Variants in FYCO1 observed in about 807,000 individuals in gnomAD.
FYCO1 encodes FYVE and coiled-coil domain-containing protein 1.
FYCO1 carries 122 observed loss-of-function variants against 165.1 expected under a neutral mutation model. The observed-to-expected ratio is 0.74, with a 90% CI of 0.64 to 0.86. The LOEUF is 0.86. Among genes scored for constraint, FYCO1 ranks in the 40% least tolerant of loss-of-function variants. The pLI is 0.00. For synonymous variants in FYCO1, 648 were observed against 742.5 expected, an observed-to-expected ratio of 0.87 and a Z score of 2.07; for missense variants, 1,702 against 1,810.3, an observed-to-expected ratio of 0.94 and a Z score of 1.09.
In FYCO1 at chr3:45,955,402, CAGAGGCAGATCAGGAGAGA is replaced by C. The variant is rs749166269; in HGVS notation, c.3800-28_3800-10del. On this transcript the variant is annotated splice_polypyrimidine_tract_variant and intron_variant, in intron 13 of 17. Transcript: ENST00000296137. ...GTAGTCTGTATTTGCTCCTGGGCAGCAGAGGCAGATCAGGAGAGAAGAGACACAACACACTGTTATGCAT... is the reference window on the plus strand; with the variant it reads ...GTAGTCTGTATTTGCTCCTGGGCAGCAGAGACACAACACACTGTTATGCAT... 2 of 1,614,118 alleles carry C rather than the reference CAGAGGCAGATCAGGAGAGA, an allele frequency of 1.2e-6. No individual in the cohort carries two copies. Among genetic ancestry groups the C allele is most frequent in the African/African-American group, 1.3e-5 (1 of 75,048 alleles).
At position 45,962,089 on chromosome 3, in the gene FYCO1, GGA is replaced by G; in HGVS notation, c.3437+134_3437+135del. On this transcript the variant is annotated intron_variant, in intron 11 of 17. Transcript: ENST00000296137. This position sits in a 1 kb window ranked among gnomAD's most constrained non-coding sequence, Gnocchi z 4.4. ...GTACTGGGGAAAGTGAGATGGAGAA[GGA>G]GAGAGGGGCTCCTGAGACAGCAGCA... The G allele has an allele frequency of 2.1e-6, 2 of 948,912 alleles. No individual in the cohort carries two copies. The highest frequency in any genetic ancestry group is 1.7e-5 in the Admixed American group (1 of 58,468). The allele number at this position is 948,912 out of a possible 1,614,324, so 58.8% of individuals were successfully genotyped here. A position where few individuals can be genotyped will look rare whatever the true frequency, so the allele number is the denominator to read the frequency against.
chr3:45,944,408 T>C (rs1704449928), intron 14 of FYCO1, among the ~76,000 whole-genome samples: 1 of 152,246 alleles, frequency 6.6e-6, no homozygotes, highest in Non-Finnish European at 1.5e-5. Context: ...TTTAACTGTA[T>C]TGCATTTTCC....
intron 16 of FYCO1, among the ~76,000 whole-genome samples, chr3:45,924,937 A>T (rs58809913): frequency 7.5e-5 from 11 of 146,608 alleles, no homozygotes; most frequent in Non-Finnish European, 1.5e-4. Flanking sequence ...TTTAAAAAAA[A>T]TTTTTTTTTT....
chr3:45,930,945 C>T (rs1338250379), intron 16 of FYCO1, 126 bp downstream of exon 16: 1 of 883,408 alleles, frequency 1.1e-6, no homozygotes, highest in African/African-American at 1.7e-5. Flanking sequence ...ATGATACTGC[C>T]CAGAACATTC....
At chr3:45,951,641 G>C (rs1705035714) in intron 14 of FYCO1, among the ~76,000 whole-genome samples, 1 of 151,966 alleles carries the variant, frequency 6.6e-6, no homozygotes, top group Non-Finnish European at 1.5e-5. Context: ...AGATGGTGGA[G>C]GGTGGGCCTG....
At chr3:45,955,507 G>A in intron 13 of FYCO1, 114 bp from the exon 14 acceptor site, 3 of 1,208,330 alleles carry the variant, frequency 2.5e-6, no homozygotes, top group Non-Finnish European at 3.6e-6. Flanking sequence ...AAGCTGCTGA[G>A]GCACAATTTA....
chr3:45,966,636 G>C lies in FYCO1; in HGVS notation c.2698C>G (p.Arg900Gly). 2 of 1,614,104 alleles carry C rather than the reference G, an allele frequency of 1.2e-6. No homozygotes were observed. Among genetic ancestry groups the C allele is most frequent in the South Asian group, 2.2e-5 (2 of 91,082 alleles). The change falls in exon 8 of 18, where the codon CGG (arginine) becomes GGG (glycine). Residue 900 changes from arginine (R) to glycine (G), a missense_variant. Coordinates refer to ENST00000296137, the MANE Select transcript of FYCO1 (RefSeq NM_024513.4). ...AGCTCAGCTGTGTCTGTGTTGGCCC[G>C]GTGCAGCTGCTCTTGCAGCTCAGCG... ...EHAELQEQLHRANTDTAELGI... is the reference protein window; with the variant it reads ...EHAELQEQLHGANTDTAELGI...
chr3:45,958,295 C>T (rs559179042), intron 13 of FYCO1, 113 bp downstream of exon 13: 19 of 913,464 alleles, frequency 2.1e-5, no homozygotes, highest in South Asian at 5.8e-5. Flanking sequence ...CTCTTTAATA[C>T]CTAAGTTTAG....
Position 45,962,244 on chromosome 3 carries a change from G to T in FYCO1, c.3418C>A (p.Arg1140=), listed in dbSNP as rs141443199. 6 of 1,614,196 alleles carry T rather than the reference G, an allele frequency of 3.7e-6. No individual in the cohort carries two copies. The highest frequency in any genetic ancestry group is 5.1e-6 in the Non-Finnish European group (6 of 1,180,032). ...LNRTKKYLEE[R]LIELLRDKDA... is the part of the protein sequence containing the mutation. The stretch of plus-strand genomic sequence containing the variant: ...ACTCACCTGAGCAGCTCTATCAGCC[G>T]CTCCTCGAGATACTTCTTGGTTCTG... The change falls in exon 11 of 18, where the codon CGG becomes AGG. Residue 1140 remains arginine, a synonymous_variant. Coordinates refer to ENST00000296137, the MANE Select transcript of FYCO1 (RefSeq NM_024513.4). This position sits in a 1 kb window ranked among gnomAD's most constrained non-coding sequence, Gnocchi z 4.4.
chr3:45,937,566 T>G (rs114403669), intron 14 of FYCO1, among the ~76,000 whole-genome samples: 1 of 152,350 alleles, frequency 6.6e-6, no homozygotes, highest in Non-Finnish European at 1.5e-5. Context: ...TGGGTTCTGA[T>G]GGCTTGAAAA....
chr3:45,930,562 T>C (rs942538413), intron 16 of FYCO1, among the ~76,000 whole-genome samples: 1 of 152,170 alleles, frequency 6.6e-6, no homozygotes, highest in Non-Finnish European at 1.5e-5. Context: ...CAACATTCCA[T>C]GCCTAGAATG....
Position 45,936,437 on chromosome 3 carries a change from T to G in FYCO1, c.4040+11A>C. The G allele has an allele frequency of 6.2e-7, 1 of 1,603,958 alleles. No homozygotes were observed. Among genetic ancestry groups the G allele is most frequent in the East Asian group, 2.2e-5 (1 of 44,808 alleles). The stretch of plus-strand genomic sequence containing the variant: ...CACCTGGGGAGGGCCCAGGCAGCAG[T>G]TGCCACTTACATCAGTTCTCCAGAC... On this transcript the variant is annotated intron_variant, in intron 15 of 17. Coordinates refer to ENST00000296137, the MANE Select transcript of FYCO1 (RefSeq NM_024513.4).
At chr3:45,946,697 C>T in intron 14 of FYCO1, 1 of 1,614,210 alleles carries the variant, frequency 6.2e-7, no homozygotes, top group Non-Finnish European at 8.5e-7. Flanking sequence ...TCCTGGTGAA[C>T]CTACCCCTGG....
chr3:45,946,318 A>G lies in FYCO1; in HGVS notation c.3944+8931T>C, dbSNP rs573377655. The G allele has an allele frequency of 3.7e-5, 23 of 620,204 alleles. No homozygotes were observed. The South Asian group carries it at 3.7e-4, about 10-fold the overall frequency. 38.4% of individuals were successfully genotyped at this position (620,204 alleles called of 1,614,324 possible). ...CCTCAGAATTGGTTATCTTCAATAT[A>G]CTGGACTGTGCTGTTTCTACACATC... On this transcript the variant is annotated intron_variant, in intron 14 of 17. Transcript: ENST00000296137.
chr3:45,974,339 C>T (rs558304465), intron 5 of FYCO1, among the ~76,000 whole-genome samples: 77 of 152,364 alleles, frequency 5.1e-4, no homozygotes, highest in African/African-American at 1.8e-3. Flanking sequence ...TGCCACTGCA[C>T]TCCCGCGTGG....
intron 10 of FYCO1, among the ~76,000 whole-genome samples, chr3:45,963,224 G>A (rs1341421978): frequency 6.6e-6 from 1 of 151,928 alleles, no homozygotes; most frequent in Non-Finnish European, 1.5e-5. Context: ...ATATGTGTGT[G>A]CTTGCACACA....
Position 45,967,397 on chromosome 3 carries a change from T to C in FYCO1, c.1937A>G (p.Tyr646Cys). 1 of 1,612,186 alleles carries C rather than the reference T, an allele frequency of 6.2e-7. No individual in the cohort carries two copies. The highest frequency in any genetic ancestry group is 8.5e-7 in the Non-Finnish European group (1 of 1,178,996). The part of the protein sequence containing the change: ...EGKLQALQAD[Y>C]QALQQRESAI... Reference sequence around the variant, plus strand: ...TGATTCCCGCTGCTGCAAAGCCTGGTAATCGGCCTGCAGGGCTTGCAGCTT... The same window carrying C: ...TGATTCCCGCTGCTGCAAAGCCTGGCAATCGGCCTGCAGGGCTTGCAGCTT... The change falls in exon 8 of 18, where the codon TAC becomes TGC. Residue 646 changes from tyrosine to cysteine, a missense_variant. By Grantham distance (194) the Tyr-to-Cys change is radical (BLOSUM62 -2). Transcript: ENST00000296137.
Position 45,964,330 on chromosome 3 carries a change from ACT to A in FYCO1, c.3269+4_3269+5del. 6.2e-7 allele frequency: 1 copy of A among 1,608,206 alleles called. No homozygotes were observed. The highest frequency in any genetic ancestry group is 8.5e-7 in the Non-Finnish European group (1 of 1,174,592). Reference sequence around the variant, plus strand: ...CCGACAGCTACGTAGGTGGACTGTGACTAACCTTTCTAGGTCTTCACGCAGGG... The same window carrying A: ...CCGACAGCTACGTAGGTGGACTGTGAAACCTTTCTAGGTCTTCACGCAGGG... On this transcript the variant is annotated splice_donor_5th_base_variant and intron_variant, in intron 10 of 17. Coordinates refer to ENST00000296137, the MANE Select transcript of FYCO1 (RefSeq NM_024513.4). The surrounding 1 kb of genome is among the most constrained non-coding windows in gnomAD (Gnocchi z 4.1).
At chr3:45,956,866 G>A (rs1427171617) in intron 13 of FYCO1, among the ~76,000 whole-genome samples, 1 of 152,058 alleles carries the variant, frequency 6.6e-6, no homozygotes, top group Non-Finnish European at 1.5e-5. Context: ...AATATCACCA[G>A]GATTTTTTGT....
Sources: gnomAD v4.1 joint callset for allele counts (sites outside exome capture counted in the v4.1 genomes callset) on GRCh38, gnomAD v4.1.1 for gene constraint, Gnocchi (gnomAD v3.1) non-coding constraint, MANE v1.5 for transcripts, NCBI Gene and HGNC (gene_info 2026-07-23, HGNC 2026-07-21) for gene names.